ANO3: variants seen among roughly 807,000 people sequenced by gnomAD.
The protein encoded by ANO3 is anoctamin 3, also known as anoctamin-3.
ANO3 carries 99 observed loss-of-function variants against 144.8 expected under a neutral mutation model. That is an observed-to-expected ratio of 0.68 (90% CI 0.58 to 0.81). ANO3 has a LOEUF of 0.81. ANO3 is among the 30% of genes least tolerant of loss of function. The pLI, the probability that ANO3 is intolerant of heterozygous loss-of-function variation, is 0.00. For missense variants in ANO3, 905 were observed against 1,202.2 expected, an observed-to-expected ratio of 0.75 and a Z score of 3.66; for synonymous variants, 414 against 392.6, an observed-to-expected ratio of 1.05 and a Z score of -0.64.
chr11:26,611,785 G>A (rs1268450207), intron 17 of ANO3, among the ~76,000 whole-genome samples: 1 of 152,088 alleles, frequency 6.6e-6, no homozygotes, highest in Non-Finnish European at 1.5e-5. Flanking sequence ...ATATTTGGGT[G>A]CTCTGGTGTT....
rs1209920499 is a variant in ANO3, at chr11:26,537,427, A to G, written c.998A>G (p.Asn333Ser). 1 of 1,613,906 alleles carries G rather than the reference A, an allele frequency of 6.2e-7. No homozygotes were observed. The highest frequency in any genetic ancestry group is 8.5e-7 in the Non-Finnish European group (1 of 1,179,762). The part of the protein sequence containing the change: ...SKVGIRKLIN[N>S]GSYIAAFPPH... ...GCAGGTATCCGTAAACTTATAAACA[A>G]TGGCTCATACATAGCAGCGTTTCCA... Residue 333 changes from asparagine (N) to serine (S), a missense_variant, in exon 10 of 27, where the codon AAT becomes AGT. Transcript: ENST00000256737.
intron 12 of ANO3, among the ~76,000 whole-genome samples, chr11:26,549,705 A>G (rs2134222466): frequency 6.6e-6 from 1 of 152,054 alleles, no homozygotes; most frequent in South Asian, 2.1e-4. Context: ...ATAATCAAAT[A>G]TGGCCATATC....
chr11:26,223,142 G>A (rs967524145), intron 1 of ANO3, among the ~76,000 whole-genome samples: 20 of 150,388 alleles, frequency 1.3e-4, no homozygotes, highest in Non-Finnish European at 2.8e-4. Flanking sequence ...TTGTTTTCTT[G>A]GTCCTGTATT....
chr11:26,660,147 T>C (rs1853832852), intron 26 of ANO3, 115 bp from the exon 27 acceptor site: 2 of 859,840 alleles, frequency 2.3e-6, no homozygotes, highest in Non-Finnish European at 1.9e-6. Flanking sequence ...AAATGGTACA[T>C]ACTAAGTTCT....
At chr11:26,641,744 A>G in intron 21 of ANO3, 152 bp from the exon 22 acceptor site, 1 of 869,978 alleles carries the variant, frequency 1.1e-6, no homozygotes, top group Non-Finnish European at 1.6e-6. Flanking sequence ...TGTTTTTTTA[A>G]CTTTTTTAAA....
Position 26,565,653 on chromosome 11 carries a change from G to C in ANO3, c.1447+5874G>C, listed in dbSNP as rs200191911. On this transcript the variant is annotated intron_variant, in intron 14 of 26. Transcript: ENST00000256737. ...TAGATTCAAAGGAGGGGAATGACTC[G>C]CCTTGAGATTTGAGGTGGTTATATT... is the stretch of plus-strand genomic sequence containing the variant. 3.7e-6 allele frequency: 6 copies of C among 1,613,208 alleles called. No homozygotes were observed. The highest frequency in any genetic ancestry group is 3.4e-6 in the Non-Finnish European group (4 of 1,179,558).
intron 21 of ANO3, among the ~76,000 whole-genome samples, chr11:26,641,477 G>A (rs182838719): frequency 2.0e-5 from 3 of 152,204 alleles, no homozygotes; most frequent in East Asian, 1.9e-4. Context: ...GCAATGAAAG[G>A]GTCAGACCTA....
At chr11:26,350,288 G>A (rs1001413127) in intron 1 of ANO3, among the ~76,000 whole-genome samples, 2 of 152,092 alleles carry the variant, frequency 1.3e-5, no homozygotes, top group Non-Finnish European at 2.9e-5. Flanking sequence ...GGTGGGCCCC[G>A]CACAAGTATG....
chr11:26,465,162 CTGTG>C (rs147178671), intron 4 of ANO3, among the ~76,000 whole-genome samples: 1 of 96,392 alleles, frequency 1.0e-5, no homozygotes, highest in Admixed American at 1.0e-4. Context: ...GTGTGTGTGT[CTGTG>C]TGTGAATTAA....
intron 1 of ANO3, among the ~76,000 whole-genome samples, chr11:26,391,937 G>T (rs767253691): frequency 6.6e-6 from 1 of 152,018 alleles, no homozygotes; most frequent in Non-Finnish European, 1.5e-5. Context: ...CCATTTTGAT[G>T]TCTCAGTCAT....
At chr11:26,447,306 C>G (rs553616642) in intron 3 of ANO3, among the ~76,000 whole-genome samples, 1 of 150,276 alleles carries the variant, frequency 6.7e-6, no homozygotes, top group African/African-American at 2.4e-5. Context: ...TATTATTATA[C>G]ACTTTACCTG....
chr11:26,372,263 A>G (rs2133939561), intron 1 of ANO3, among the ~76,000 whole-genome samples: 1 of 152,306 alleles, frequency 6.6e-6, no homozygotes, highest in East Asian at 1.9e-4. Flanking sequence ...TATGTGAAGA[A>G]GGACAGGTTT....
intron 3 of ANO3, among the ~76,000 whole-genome samples, chr11:26,452,022 G>A (rs886749934): frequency 1.3e-5 from 2 of 152,184 alleles, no homozygotes; most frequent in Non-Finnish European, 2.9e-5. Context: ...CTGCAGCTGA[G>A]GGTCCTGTCT....
chr11:26,631,813 G>A (rs1852789032), intron 18 of ANO3, among the ~76,000 whole-genome samples: 1 of 152,166 alleles, frequency 6.6e-6, no homozygotes, highest in African/African-American at 2.4e-5. Context: ...TCTTTAAGAA[G>A]CTTTAAAGTA....
intron 3 of ANO3, among the ~76,000 whole-genome samples, chr11:26,454,709 C>A (rs535308957): frequency 1.3e-5 from 2 of 152,072 alleles, no homozygotes; most frequent in Non-Finnish European, 2.9e-5. Flanking sequence ...AAGAGGGAAT[C>A]CTCCCTCATT....
rs117108055 is a variant in ANO3, at chr11:26,297,410, G to A, written c.155-12235G>A. 4.1e-3 allele frequency among the ~76,000 whole-genome samples: 624 copies of A among 152,216 alleles called. 4 individuals are homozygous for A. The highest frequency in any genetic ancestry group is 7.2e-3 in the Non-Finnish European group (488 of 68,014). On this transcript the variant is annotated intron_variant, in intron 1 of 27. Coordinates refer to the ANO3 transcript ENST00000672621. ...TCATACAATGATCAACAACATTCTT[G>A]CATAAGCCATAAGCACTTGTAATTA... is the stretch of plus-strand genomic sequence containing the variant.
chr11:26,538,273 G>C (rs967511553), intron 10 of ANO3, among the ~76,000 whole-genome samples: 1 of 152,164 alleles, frequency 6.6e-6, no homozygotes, highest in Admixed American at 6.6e-5. Flanking sequence ...GGTAACTGAG[G>C]TACAGAAAGG....
intron 1 of ANO3, among the ~76,000 whole-genome samples, chr11:26,399,250 T>C (rs1857090930): frequency 6.6e-6 from 1 of 151,942 alleles, no homozygotes; most frequent in South Asian, 2.1e-4. Context: ...GTCTTTAAAC[T>C]GTAGGTCACC....
chr11:26,273,244 T>A (rs1420308163), intron 1 of ANO3, among the ~76,000 whole-genome samples: 1 of 147,250 alleles, frequency 6.8e-6, no homozygotes, highest in Admixed American at 6.7e-5. Context: ...TTTTTTTTTT[T>A]TATATTGGAC....
Sources: gnomAD v4.1 joint callset for allele counts (sites outside exome capture counted in the v4.1 genomes callset) on GRCh38, gnomAD v4.1.1 for gene constraint, MANE v1.5 for transcripts, NCBI Gene and HGNC (gene_info 2026-07-23, HGNC 2026-07-21) for gene names.